The following ARHGAP21 variants were observed in gnomAD, a reference collection of about 807,000 sequenced individuals.
ARHGAP21 encodes Rho GTPase activating protein 21.
In ARHGAP21, 38 loss-of-function variants were observed where a neutral mutation model predicts 164.6. That is an observed-to-expected ratio of 0.23 (90% CI 0.18 to 0.30). The LOEUF (loss-of-function observed/expected upper bound fraction) is 0.30. Ranked by LOEUF, ARHGAP21 falls within the 10% of genes least tolerant of loss-of-function variation. The probability of loss-of-function intolerance (pLI) is 1.00; values close to 1 mark genes in which losing one functional copy is unlikely to be tolerated. For missense variants in ARHGAP21, 1,822 were observed against 2,370.7 expected (o/e 0.77, Z 4.81); for synonymous variants, 766 against 857.9 (o/e 0.89, Z 1.87).
At chr10:24,663,207 T>C (rs1277767514) in intron 4 of ARHGAP21, among the ~76,000 whole-genome samples, 1 of 152,166 alleles carries the variant, frequency 6.6e-6, no homozygotes, top group Non-Finnish European at 1.5e-5. Context: ...CTCTATATTT[T>C]CTTACAATGT....
chr10:24,671,830 T>G (rs979637595), intron 2 of ARHGAP21, among the ~76,000 whole-genome samples: 1 of 151,110 alleles, frequency 6.6e-6, no homozygotes, highest in Non-Finnish European at 1.5e-5. Flanking sequence ...TCAGGAGATA[T>G]TCCCACCTCA....
chr10:24,612,294 T>C (rs937387142), intron 9 of ARHGAP21, among the ~76,000 whole-genome samples: 2 of 152,182 alleles, frequency 1.3e-5, no homozygotes, highest in Non-Finnish European at 1.5e-5. Context: ...CTTATTTCAA[T>C]GACAGAGTAA....
intron 3 of ARHGAP21, among the ~76,000 whole-genome samples, chr10:24,669,324 A>C (rs1347158392): frequency 6.6e-6 from 1 of 152,220 alleles, no homozygotes; most frequent in African/African-American, 2.4e-5. Flanking sequence ...TTTAAAAGAC[A>C]GTTTTGGATT....
At chr10:24,591,371 A>G in intron 23 of ARHGAP21, 41 bp from the exon 24 acceptor site, 1 of 1,508,550 alleles carries the variant, frequency 6.6e-7, no homozygotes, top group Non-Finnish European at 9.1e-7. Flanking sequence ...ATCTCTTCAA[A>G]GATACTTTCT....
chr10:24,655,546 G>T (rs538189817), intron 4 of ARHGAP21, among the ~76,000 whole-genome samples: 1 of 152,132 alleles, frequency 6.6e-6, no homozygotes, highest in African/African-American at 2.4e-5. Flanking sequence ...CTGGAGGAGC[G>T]GACGGGCCCC....
intron 4 of ARHGAP21, among the ~76,000 whole-genome samples, chr10:24,660,318 A>C (rs1287689468): frequency 2.2e-5 from 3 of 137,772 alleles, no homozygotes; most frequent in African/African-American, 8.0e-5. Context: ...CATGAATTTG[A>C]GGCTGCAGTG....
intron 4 of ARHGAP21, among the ~76,000 whole-genome samples, chr10:24,637,253 G>A (rs573682131): frequency 6.6e-6 from 1 of 152,302 alleles, no homozygotes; most frequent in East Asian, 1.9e-4. Flanking sequence ...AATTTAAAAG[G>A]AAAAATACTT....
At chr10:24,622,029 A>G (rs1336995871) in intron 8 of ARHGAP21, among the ~76,000 whole-genome samples, 1 of 152,186 alleles carries the variant, frequency 6.6e-6, no homozygotes, top group African/African-American at 2.4e-5. Context: ...TATATAATTT[A>G]TATTTTTATT....
rs145850061 is a variant in ARHGAP21, at chr10:24,641,497, T to C, written c.269-6394A>G. On this transcript the variant is annotated intron_variant, in intron 4 of 25. Transcript: ENST00000396432. ...CCAAATTCCAATAATCTCTGGATAC[T>C]GTCAGTAGAATGTCACCTGTCAGGT... Among the ~76,000 whole-genome samples, 152 of 152,340 alleles carry C rather than the reference T, an allele frequency of 1.0e-3. No homozygotes were observed. The Middle Eastern group carries it at 0.01, about 10-fold the overall frequency.
chr10:24,666,954 TCA>T lies in ARHGAP21; in HGVS notation c.268+29_268+30del, dbSNP rs1265272221. On this transcript the variant is annotated intron_variant, in intron 4 of 25. Transcript: ENST00000396432. ...CAGAAAGAAATGGGTAGAAAAACAT[TCA>T]GAGATAAATTAAAATGTTTATAGCA... 4 of 1,418,036 alleles carry T rather than the reference TCA, an allele frequency of 2.8e-6. No homozygotes were observed. In the East Asian group the frequency reaches 7.2e-5, roughly 26 times the overall value. The allele number at this position is 1,418,036 out of a possible 1,614,324, so 87.8% of individuals were successfully genotyped here.
At chr10:24,634,138 T>TAA (rs1339498506) in intron 5 of ARHGAP21, among the ~76,000 whole-genome samples, 1 of 151,946 alleles carries the variant, frequency 6.6e-6, no homozygotes, top group Non-Finnish European at 1.5e-5. Context: ...ATGTGGGGCT[T>TAA]AAAATACGAC....
chr10:24,714,296 C>T (rs1283464691), intron 2 of ARHGAP21: 1 of 152,180 alleles, frequency 6.6e-6, no homozygotes, highest in Non-Finnish European at 1.5e-5. Context: ...CTGAATATTA[C>T]CTTTGTGCTA....
At chr10:24,643,885 T>C (rs921731785) in intron 4 of ARHGAP21, among the ~76,000 whole-genome samples, 5 of 152,308 alleles carry the variant, frequency 3.3e-5, no homozygotes, top group African/African-American at 9.6e-5. Context: ...TTCTTTTTTA[T>C]TTATTTTTAT....
intron 9 of ARHGAP21, among the ~76,000 whole-genome samples, chr10:24,612,107 A>C (rs1363992466): frequency 6.6e-6 from 1 of 152,238 alleles, no homozygotes; most frequent in Non-Finnish European, 1.5e-5. Context: ...TTATGATTAT[A>C]GTTGACAATA....
At chr10:24,592,202 C>CA (rs2076363735) in intron 21 of ARHGAP21, among the ~76,000 whole-genome samples, 190 bp from the exon 22 acceptor site, 1 of 125,932 alleles carries the variant, frequency 7.9e-6, no homozygotes, top group Non-Finnish European at 1.6e-5. Flanking sequence ...GTCTCACGTT[C>CA]ACCCAGGCTG....
In ARHGAP21 at chr10:24,585,942, C is replaced by T. The variant is rs765015998; in HGVS notation, c.4347G>A (p.Gln1449=). ...ACTCCTCTTTAGTATCATTGTGACACTGTTCCACATTTTCTTTCTTAAAAA... is the reference window on the plus strand; with the variant it reads ...ACTCCTCTTTAGTATCATTGTGACATTGTTCCACATTTTCTTTCTTAAAAA... ...NVFFKKENVE[Q]CHNDTKEESK... Residue 1449 remains glutamine, a synonymous_variant, in exon 26 of 26, where the codon CAG becomes CAA. Transcript: ENST00000396432. The T allele has an allele frequency of 1.5e-5, 25 of 1,614,170 alleles. No homozygotes were observed. In the South Asian group the frequency reaches 2.6e-4, roughly 17 times the overall value.
At chr10:24,622,616 A>C in intron 8 of ARHGAP21, 117 bp downstream of exon 8, 1 of 1,083,268 alleles carries the variant, frequency 9.2e-7, no homozygotes, top group Non-Finnish European at 1.3e-6. Flanking sequence ...AGTAAGATTA[A>C]CACGATAGAG....
At chr10:24,632,393 G>A (rs1317028221) in intron 6 of ARHGAP21, among the ~76,000 whole-genome samples, 5 of 152,118 alleles carry the variant, frequency 3.3e-5, no homozygotes, top group Non-Finnish European at 7.4e-5. Flanking sequence ...TTATCCCTTG[G>A]AGAGGCTTTA....
chr10:24,668,002 A>G, intron 3 of ARHGAP21, among the ~76,000 whole-genome samples: 1 of 152,334 alleles, frequency 6.6e-6, no homozygotes, highest in Middle Eastern at 3.4e-3. Flanking sequence ...GTATTAAATA[A>G]TAGCATTAAT....
Sources: allele counts gnomAD v4.1 joint callset (sites outside exome capture counted in the v4.1 genomes callset), GRCh38; gene constraint gnomAD v4.1.1; transcripts MANE v1.5; gene names NCBI Gene and HGNC (gene_info 2026-07-23, HGNC 2026-07-21).